Variants in PGM2 observed in about 807,000 individuals in gnomAD.
PGM2 encodes the protein phosphopentomutase.
PGM2 carries 57 observed loss-of-function variants against 74.6 expected under a neutral mutation model. The ratio of observed to expected loss-of-function variants is 0.76; its 90% CI spans 0.62 to 0.95. PGM2 has a LOEUF of 0.95. PGM2 is among the 40% of genes least tolerant of loss of function. The pLI, the probability that PGM2 is intolerant of heterozygous loss-of-function variation, is 0.00. For missense variants in PGM2, 706 were observed against 741.9 expected (o/e 0.95, Z 0.56); for synonymous variants, 273 against 260.7 (o/e 1.05, Z -0.46).
intron 6 of PGM2, among the ~76,000 whole-genome samples, chr4:37,842,197 T>G (rs189830732): frequency 0.082 from 12,218 of 148,790 alleles, 946 homozygotes; most frequent in East Asian, 0.18. Context: ...TATATGCATA[T>G]ACTATATATA....
At chr4:37,848,730 A>T in intron 11 of PGM2, 79 bp downstream of exon 11, 1 of 1,029,454 alleles carries the variant, frequency 9.7e-7, no homozygotes, top group Non-Finnish European at 1.5e-6. Context: ...AGATACTAAT[A>T]TCCTTTCTAA....
chr4:37,841,100 A>ATATATGTGTGTGTGTG (rs1202149456), intron 6 of PGM2, among the ~76,000 whole-genome samples: 8 of 115,750 alleles, frequency 6.9e-5, no homozygotes, highest in African/African-American at 2.5e-4. Context: ...ATATATATAT[A>ATATATGTGTGTGTGTG]TGTGTGTGTG....
chr4:37,834,845 A>G (rs1725525906), intron 3 of PGM2, 121 bp downstream of exon 3: 1 of 483,844 alleles, frequency 2.1e-6, no homozygotes, highest in Non-Finnish European at 3.7e-6. Flanking sequence ...CTGTAAAAAC[A>G]ATGGGTAAAT....
Position 37,847,235 on chromosome 4 carries a change from A to T in PGM2, c.1222A>T (p.Arg408Ter). ...TLTGFKWMGN[R>*]AKQLIDQGKT... ...AACTGGCTTTAAGTGGATGGGAAAC[A>T]GAGCCAAACAGCTAATAGACCAGGG... The change falls in exon 10 of 14, where the codon AGA (arginine) becomes TGA (stop). Residue 408 changes from arginine (R) to a stop codon, truncating the protein, a stop_gained. Transcript: ENST00000381967. LOFTEE classifies it high-confidence loss of function. 6.2e-7 allele frequency: 1 copy of T among 1,614,044 alleles called. No individual in the cohort carries two copies.
intron 8 of PGM2, among the ~76,000 whole-genome samples, chr4:37,846,004 G>A (rs1560417287): frequency 6.6e-6 from 1 of 152,112 alleles, no homozygotes; most frequent in Non-Finnish European, 1.5e-5. Flanking sequence ...TTCTCATTTT[G>A]TAATTGATCT....
intron 1 of PGM2, among the ~76,000 whole-genome samples, chr4:37,829,024 G>A (rs555064463): frequency 2.6e-5 from 4 of 152,288 alleles, no homozygotes; most frequent in Admixed American, 2.6e-4. Flanking sequence ...AAATGGCCAC[G>A]TCCTGCGTGA....
rs201372690 is a variant in PGM2, at chr4:37,829,861, C to CAT, written c.82-92_82-91dup. The stretch of plus-strand genomic sequence containing the variant: ...TGAAAGGTCTACATATATATATATA[C>CAT]ATATATATATATTTTCTATAGATTA... On this transcript the variant is annotated intron_variant, in intron 1 of 13. Coordinates refer to ENST00000381967, the MANE Select transcript of PGM2 (RefSeq NM_018290.4). The CAT allele has an allele frequency of 1.4e-3, 446 of 315,404 alleles. 7 individuals carry two copies. In the East Asian group the frequency reaches 0.022, roughly 15 times the overall value. 19.5% of individuals were successfully genotyped at this position (315,404 alleles called of 1,614,324 possible).
intron 1 of PGM2, among the ~76,000 whole-genome samples, chr4:37,828,190 A>G (rs1725346186): frequency 6.6e-6 from 1 of 152,134 alleles, no homozygotes; most frequent in African/African-American, 2.4e-5. Flanking sequence ...AAATGTTTCC[A>G]TTTCTGATAA....
intron 6 of PGM2, 114 bp downstream of exon 6, chr4:37,840,373 GATTTT>G (rs948920240): frequency 1.1e-5 from 7 of 643,556 alleles, no homozygotes; most frequent in African/African-American, 9.2e-5. Context: ...AGCTGCATCT[GATTTT>G]ATTTTATTTT....
In PGM2 at chr4:37,862,676, C is replaced by T. The variant is rs552278492; in HGVS notation, c.*1064C>T. On this transcript the variant is annotated 3_prime_UTR_variant, in exon 14 of 14. Coordinates refer to ENST00000381967, the MANE Select transcript of PGM2 (RefSeq NM_018290.4). Reference sequence around the variant, plus strand: ...TTTACATTATTTCTGATTTTTAAAGCAAATGATTGCCATTATGATTACACT... The same window carrying T: ...TTTACATTATTTCTGATTTTTAAAGTAAATGATTGCCATTATGATTACACT... 53 of 152,008 alleles carry T rather than the reference C, an allele frequency of 3.5e-4. No individual in the cohort carries two copies. Among genetic ancestry groups the T allele is most frequent in the African/African-American group, 1.2e-3 (51 of 41,530 alleles). The allele number at this position is 152,008 out of a possible 1,614,324, so 9.4% of individuals were successfully genotyped here.
intron 10 of PGM2, among the ~76,000 whole-genome samples, chr4:37,848,275 T>A (rs932083483): frequency 2.0e-5 from 3 of 152,056 alleles, no homozygotes; most frequent in African/African-American, 7.2e-5. Flanking sequence ...CTGGAAGGAG[T>A]TTCATGACTC....
chr4:37,844,235 G>A (rs1577677899), intron 6 of PGM2, 129 bp from the exon 7 acceptor site: 1 of 592,740 alleles, frequency 1.7e-6, no homozygotes, highest in East Asian at 2.8e-5. Flanking sequence ...GGGAGAGAAT[G>A]GATACGTTTT....
At chr4:37,846,897 A>G in intron 8 of PGM2, 34 bp from the exon 9 acceptor site, 1 of 1,542,948 alleles carries the variant, frequency 6.5e-7, no homozygotes, top group Non-Finnish European at 8.8e-7. Context: ...GATTATGGAA[A>G]TGAATGGTGG....
At chr4:37,846,783 G>A (rs1284221608) in intron 8 of PGM2, 148 bp from the exon 9 acceptor site, 4 of 638,346 alleles carry the variant, frequency 6.3e-6, no homozygotes, top group East Asian at 2.6e-5. Context: ...TTTCTGACCA[G>A]TTATTTAAAG....
intron 12 of PGM2, among the ~76,000 whole-genome samples, chr4:37,852,133 C>CTTTTTTTTTTTTTTTT (rs778968323): frequency 2.1e-5 from 1 of 47,258 alleles, no homozygotes; most frequent in African/African-American, 8.1e-5. Flanking sequence ...ATGCCCAGCT[C>CTTTTTTTTTTTTTTTT]TTTTTTTTTT....
At position 37,837,536 on chromosome 4, in the gene PGM2, C is replaced by T. The variant is rs770801782; in HGVS notation, c.364C>T (p.Arg122Ter). 17 of 1,609,888 alleles carry T rather than the reference C, an allele frequency of 1.1e-5. No individual in the cohort carries two copies. The highest frequency in any genetic ancestry group is 2.2e-5 in the East Asian group (1 of 44,850). The change falls in exon 4 of 14, where the codon CGA (arginine) becomes TGA (stop). Residue 122 changes from arginine to a stop codon, truncating the protein, a stop_gained. Transcript: ENST00000381967. LOFTEE classifies it high-confidence loss of function. The stretch of plus-strand genomic sequence containing the variant: ...GTCACTCTGCATTCTCAGGTTTGCC[C>T]GACTTGCTGCAACCACATTTATCAG... ...SSGGSSRRFA[R>*]LAATTFISQG...
At chr4:37,851,939 G>T (rs1726049626) in intron 12 of PGM2, among the ~76,000 whole-genome samples, 1 of 141,746 alleles carries the variant, frequency 7.1e-6, no homozygotes, top group African/African-American at 2.5e-5. Context: ...ATAGAGAATT[G>T]TATTTCCTGT....
intron 2 of PGM2, among the ~76,000 whole-genome samples, chr4:37,833,285 G>T (rs1577672630): frequency 1.3e-5 from 2 of 152,362 alleles, no homozygotes; most frequent in African/African-American, 4.8e-5. Context: ...CTTGGACATG[G>T]TGGCTCATGC....
chr4:37,861,588 C>T lies in PGM2; in HGVS notation c.1815C>T (p.Tyr605=), dbSNP rs370227268. 2 of 1,611,806 alleles carry T rather than the reference C, an allele frequency of 1.2e-6. No individual in the cohort carries two copies. Among genetic ancestry groups the T allele is most frequent in the Non-Finnish European group, 1.7e-6 (2 of 1,178,132 alleles). The part of the protein sequence containing the change: ...IEEHFFQPQK[Y]NLQPKAD ...AACATTTTTTCCAGCCACAGAAGTACAATCTGCAGCCAAAAGCAGACTAAA... is the reference window on the plus strand; with the variant it reads ...AACATTTTTTCCAGCCACAGAAGTATAATCTGCAGCCAAAAGCAGACTAAA... Residue 605 remains tyrosine, a synonymous_variant, in exon 14 of 14, where the codon TAC becomes TAT. Transcript: ENST00000381967.
Sources: allele counts gnomAD v4.1 joint callset (sites outside exome capture counted in the v4.1 genomes callset), GRCh38; gene constraint gnomAD v4.1.1; transcripts MANE v1.5; gene names NCBI Gene and HGNC (gene_info 2026-07-23, HGNC 2026-07-21).